The following MARK1 variants were observed in gnomAD, a reference collection of about 807,000 sequenced individuals.
MARK1 encodes the protein microtubule affinity regulating kinase 1.
MARK1 carries 40 observed loss-of-function variants against 96.3 expected under a neutral mutation model. The ratio of observed to expected loss-of-function variants is 0.42; its 90% CI spans 0.32 to 0.54. MARK1 has a LOEUF of 0.54. Among genes scored for constraint, MARK1 ranks in the 20% least tolerant of loss-of-function variants. The pLI, the probability that MARK1 is intolerant of heterozygous loss-of-function variation, is 0.16. For synonymous variants in MARK1, 317 were observed against 341.2 expected (o/e 0.93, Z 0.78); for missense variants, 719 against 984.6 (o/e 0.73, Z 3.61).
chr1:220,583,814 ATTTTTTTTT>A (rs34848222), intron 3 of MARK1, among the ~76,000 whole-genome samples: 16 of 105,220 alleles, frequency 1.5e-4, no homozygotes, highest in Non-Finnish European at 1.7e-4. Flanking sequence ...TGCCTGGCTA[ATTTTTTTTT>A]TTTTTTTTTT....
intron 1 of MARK1, among the ~76,000 whole-genome samples, chr1:220,550,110 A>T (rs946851218): frequency 6.6e-6 from 1 of 152,224 alleles, no homozygotes; most frequent in Non-Finnish European, 1.5e-5. Flanking sequence ...TATACTTGAA[A>T]TGATTACAGC....
chr1:220,541,305 A>G (rs1661130302), intron 1 of MARK1, among the ~76,000 whole-genome samples: 1 of 152,066 alleles, frequency 6.6e-6, no homozygotes, highest in African/African-American at 2.4e-5. Context: ...CTTTTGCTGC[A>G]TCCCATAAGT....
intron 7 of MARK1, among the ~76,000 whole-genome samples, chr1:220,617,290 A>G (rs1666808755): frequency 6.6e-6 from 1 of 152,170 alleles, no homozygotes; most frequent in South Asian, 2.1e-4. Flanking sequence ...ATGAAAACAA[A>G]TATCCCAAGC....
At chr1:220,563,745 A>G (rs1192766565) in intron 1 of MARK1, among the ~76,000 whole-genome samples, 1 of 152,206 alleles carries the variant, frequency 6.6e-6, no homozygotes, top group Non-Finnish European at 1.5e-5. Flanking sequence ...GCCCAAGGTC[A>G]CACAGCTTAC....
intron 13 of MARK1, among the ~76,000 whole-genome samples, chr1:220,637,629 A>G (rs1668036848): frequency 6.6e-6 from 1 of 152,168 alleles, no homozygotes; most frequent in South Asian, 2.1e-4. Context: ...CAGTGAGCCA[A>G]GATCATGCCA....
At chr1:220,616,568 AT>A (rs1305330066) in intron 7 of MARK1, among the ~76,000 whole-genome samples, 2 of 152,012 alleles carry the variant, frequency 1.3e-5, no homozygotes, top group East Asian at 3.9e-4. Flanking sequence ...TCCAAATTTA[AT>A]TTGCATTGTC....
intron 12 of MARK1, 54 bp downstream of exon 12, chr1:220,635,583 T>G (rs763011609): frequency 2.1e-5 from 33 of 1,564,300 alleles, no homozygotes; most frequent in Non-Finnish European, 2.8e-5. Context: ...CCCAAATTTG[T>G]GTTTTTAAAG....
chr1:220,623,231 A>G (rs1333981940), intron 9 of MARK1, among the ~76,000 whole-genome samples: 6 of 151,752 alleles, frequency 4.0e-5, no homozygotes, highest in Admixed American at 6.6e-5. Flanking sequence ...CAGTACCTCC[A>G]TTTTCTGGGA....
chr1:220,646,309 A>G (rs536917624), intron 13 of MARK1, among the ~76,000 whole-genome samples: 5 of 152,306 alleles, frequency 3.3e-5, no homozygotes, highest in Non-Finnish European at 5.9e-5. Context: ...TCCATTTACA[A>G]TTGCCACAAA....
rs1273657993 is a variant in MARK1 at position 220,609,567 on chromosome 1, A to G, written c.495+5430A>G. Among the ~76,000 whole-genome samples the G allele has an allele frequency of 4.6e-5, 7 of 152,266 alleles. 1 individual carries two copies. In the South Asian group the frequency reaches 1.4e-3, roughly 32 times the overall value. On this transcript the variant is annotated intron_variant, in intron 6 of 17. Coordinates refer to ENST00000366917, the MANE Select transcript of MARK1 (RefSeq NM_018650.5). ...TAGCCCATTTACATTTCAGGTTAAT[A>G]TTGTTAGGTGTGAATTTGCTCCTGT...
intron 2 of MARK1, 103 bp downstream of exon 2, chr1:220,579,660 T>C: frequency 1.2e-6 from 1 of 831,874 alleles, no homozygotes; most frequent in Admixed American, 2.0e-5. Context: ...AGTTTCAATA[T>C]GATTAACACT....
intron 9 of MARK1, chr1:220,626,762 C>T: frequency 3.0e-6 from 1 of 331,784 alleles, no homozygotes; most frequent in Non-Finnish European, 5.9e-6. Context: ...GCGGAGGTTG[C>T]AGTGAGCTGA....
chr1:220,591,438 A>G (rs894343655), intron 3 of MARK1, among the ~76,000 whole-genome samples: 3 of 152,208 alleles, frequency 2.0e-5, no homozygotes, highest in Non-Finnish European at 4.4e-5. Context: ...TGTTGTCTTC[A>G]GTATACTGTA....
chr1:220,584,901 C>A lies in MARK1; in HGVS notation c.309+3783C>A, dbSNP rs73093548. On this transcript the variant is annotated intron_variant, in intron 3 of 17. Coordinates refer to ENST00000366917, the MANE Select transcript of MARK1 (RefSeq NM_018650.5). ...TATACATGCTATATAGCATATTTCA[C>A]TCTATAGCTGAACAAAACCACTTAT... is the stretch of plus-strand genomic sequence containing the variant. 3.6e-3 allele frequency among the ~76,000 whole-genome samples: 556 copies of A among 152,330 alleles called. 5 individuals are homozygous for A. The highest frequency in any genetic ancestry group is 0.013 in the African/African-American group (525 of 41,584).
intron 1 of MARK1, among the ~76,000 whole-genome samples, chr1:220,567,056 A>G (rs1339283179): frequency 6.6e-6 from 1 of 152,150 alleles, no homozygotes; most frequent in Non-Finnish European, 1.5e-5. Flanking sequence ...TTGTTTTCAT[A>G]CATATTTTAT....
In MARK1 at chr1:220,662,353, T is replaced by A; in HGVS notation, c.*187T>A. ...GTCAGTATGAACTATAATAAATATCTGTAGCTTAAAAAGTAGGTTCACATG... is the reference window on the plus strand; with the variant it reads ...GTCAGTATGAACTATAATAAATATCAGTAGCTTAAAAAGTAGGTTCACATG... On this transcript the variant is annotated 3_prime_UTR_variant, in exon 18 of 18. Coordinates refer to ENST00000366917, the MANE Select transcript of MARK1 (RefSeq NM_018650.5). 1 of 558,314 alleles carries A rather than the reference T, an allele frequency of 1.8e-6. No homozygotes were observed. Among genetic ancestry groups the A allele is most frequent in the Non-Finnish European group, 3.2e-6 (1 of 314,986 alleles). The allele number at this position is 558,314 out of a possible 1,614,324, so 34.6% of individuals were successfully genotyped here. A position where few individuals can be genotyped will look rare whatever the true frequency, so the allele number is the denominator to read the frequency against.
chr1:220,534,533 A>G (rs1459493897), intron 1 of MARK1, among the ~76,000 whole-genome samples: 1 of 152,056 alleles, frequency 6.6e-6, no homozygotes, highest in Non-Finnish European at 1.5e-5. Context: ...GAGTGAGAAC[A>G]TATTTGTCTC....
intron 9 of MARK1, among the ~76,000 whole-genome samples, chr1:220,625,231 A>G (rs1160039399): frequency 6.6e-6 from 1 of 152,260 alleles, no homozygotes; most frequent in Non-Finnish European, 1.5e-5. Flanking sequence ...TCAAAGGTAG[A>G]GTTTAATAAC....
chr1:220,558,774 G>A (rs1228118158), intron 1 of MARK1, among the ~76,000 whole-genome samples: 1 of 151,896 alleles, frequency 6.6e-6, no homozygotes, highest in Non-Finnish European at 1.5e-5. Context: ...TAAAACTATA[G>A]AAATAAGAAT....
Sources: allele counts gnomAD v4.1 joint callset (sites outside exome capture counted in the v4.1 genomes callset), GRCh38; gene constraint gnomAD v4.1.1; transcripts MANE v1.5; gene names NCBI Gene and HGNC (gene_info 2026-07-23, HGNC 2026-07-21).